Variants in INTS7 observed in about 807,000 individuals in gnomAD.
INTS7 encodes integrator complex subunit 7.
Under a neutral mutation model 109.2 loss-of-function variants are expected in INTS7, and 46 were observed. The observed-to-expected ratio is 0.42, with a 90% CI of 0.33 to 0.54. The LOEUF (loss-of-function observed/expected upper bound fraction) is 0.54, where lower values mean the gene tolerates loss of function less well. INTS7 is among the 20% of genes least tolerant of loss of function. The pLI, the probability that INTS7 is intolerant of heterozygous loss-of-function variation, is 0.07. For synonymous variants in INTS7, 412 were observed against 402.9 expected (o/e 1.02, Z -0.27); for missense variants, 929 against 1,132.4 (o/e 0.82, Z 2.58).
intron 13 of INTS7, among the ~76,000 whole-genome samples, chr1:211,970,029 A>AC (rs1056306824): frequency 2.6e-5 from 4 of 151,258 alleles, no homozygotes; most frequent in Admixed American, 2.6e-4. Flanking sequence ...TGCCCAGCTA[A>AC]TTTTTTTTTG....
intron 16 of INTS7, among the ~76,000 whole-genome samples, chr1:211,954,059 CTGT>C (rs886133951): frequency 1.1e-4 from 16 of 152,302 alleles, no homozygotes; most frequent in African/African-American, 2.6e-4. Context: ...TCTCCAGCAC[CTGT>C]TGTTTCCTGA....
chr1:212,020,039 G>T, intron 3 of INTS7, 83 bp downstream of exon 3: 1 of 998,952 alleles, frequency 1.0e-6, no homozygotes, highest in South Asian at 2.9e-5. Context: ...TACTCAAAAT[G>T]AAAAATGTAA....
rs771209007 is a variant in INTS7 at position 211,978,441 on chromosome 1, A to G, written c.1301T>C (p.Leu434Ser). The change falls in exon 11 of 20, where the codon TTG becomes TCG. Residue 434 changes from leucine to serine, a missense_variant. Around this residue, in one of 2 missense-constraint regions of INTS7, gnomAD observed 787 missense variants for 901.1 expected, o/e 0.87. Transcript: ENST00000366994. ...TTGAGCACTGTGCAATTGAGTCAAC[A>G]AGGTCTCAACTACTGACTGGCTAAG... The part of the protein sequence containing the change: ...PHLSQSVVET[L>S]LTQLHSAQDA... The G allele has an allele frequency of 6.2e-7, 1 of 1,614,212 alleles. No individual in the cohort carries two copies. Among genetic ancestry groups the G allele is most frequent in the Non-Finnish European group, 8.5e-7 (1 of 1,180,032 alleles).
At chr1:211,973,094 G>A (rs969833415) in intron 13 of INTS7, among the ~76,000 whole-genome samples, 2 of 151,868 alleles carry the variant, frequency 1.3e-5, no homozygotes, top group Non-Finnish European at 2.9e-5. Context: ...AGGACCACAG[G>A]CGCATGCCAC....
chr1:212,002,767 T>G (rs147384158), intron 7 of INTS7, among the ~76,000 whole-genome samples: 102 of 152,358 alleles, frequency 6.7e-4, no homozygotes, highest in Non-Finnish European at 1.4e-3. Flanking sequence ...TTGGCAGCAT[T>G]TATCACTGTC....
At position 211,946,599 on chromosome 1, in the gene INTS7, T is replaced by G. The variant is rs1662856541; in HGVS notation, c.2415+8A>C. ...CCTATATTAACCTTAGTATTCTTCC[T>G]GTATTACCTTGATGCTGGTAGACTG... On this transcript the variant is annotated splice_region_variant and intron_variant, in intron 18 of 19. Coordinates refer to ENST00000366994, the MANE Select transcript of INTS7 (RefSeq NM_015434.4). The surrounding 1 kb of genome is among the most constrained non-coding windows in gnomAD (Gnocchi z 4.3). 2.6e-6 allele frequency: 4 copies of G among 1,527,558 alleles called. No homozygotes were observed. In the East Asian group the frequency reaches 6.8e-5, roughly 26 times the overall value. 94.6% of individuals were successfully genotyped at this position (1,527,558 alleles called of 1,614,324 possible).
chr1:211,993,679 C>CAAAAAA (rs1333287349), intron 7 of INTS7, among the ~76,000 whole-genome samples: 39 of 54,742 alleles, frequency 7.1e-4, no homozygotes, highest in Non-Finnish European at 1.0e-3. Flanking sequence ...GACTAAAACT[C>CAAAAAA]AAAAAAAAAA....
rs1179169477 is a variant in INTS7, at chr1:211,968,852, T to A, written c.1816-145A>T. 1.2e-5 allele frequency: 7 copies of A among 560,388 alleles called. No individual in the cohort carries two copies. The East Asian group carries it at 1.7e-4, about 13-fold the overall frequency. The allele number at this position is 560,388 out of a possible 1,614,324, so 34.7% of individuals were successfully genotyped here. A position where few individuals can be genotyped will look rare whatever the true frequency, so the allele number is the denominator to read the frequency against. ...ATAAAGACCTAAATGATAAAAAGAA[T>A]AATGTAATATTAGAATGAAAAATAT... On this transcript the variant is annotated intron_variant, in intron 13 of 19. Coordinates refer to ENST00000366994, the MANE Select transcript of INTS7 (RefSeq NM_015434.4).
rs552439287 is a variant in INTS7 at position 212,010,911 on chromosome 1, G to A, written c.556+464C>T. On this transcript the variant is annotated intron_variant, in intron 5 of 19. Transcript: ENST00000366994. Reference sequence around the variant, plus strand: ...CACAGGATCCCCATTGTTAAGCAATGCAAGACTATATCTGCATGGCTCACT... The same window carrying A: ...CACAGGATCCCCATTGTTAAGCAATACAAGACTATATCTGCATGGCTCACT... Among the ~76,000 whole-genome samples the A allele has an allele frequency of 7.2e-5, 11 of 152,268 alleles. No individual in the cohort carries two copies. In the South Asian group the frequency reaches 2.3e-3, roughly 32 times the overall value.
chr1:211,978,534 A>T, intron 10 of INTS7, 23 bp from the exon 11 acceptor site: 1 of 1,613,310 alleles, frequency 6.2e-7, no homozygotes, highest in South Asian at 1.1e-5. Context: ...AAGAAAATGA[A>T]CTAGTTACAT....
Position 211,987,898 on chromosome 1 carries a change from T to C in INTS7, c.985A>G (p.Ser329Gly), listed in dbSNP as rs1400637456. Residue 329 changes from serine to glycine, a missense_variant, in exon 8 of 20, where the codon AGT (serine) becomes GGT (glycine). Around this residue, in one of 2 missense-constraint regions of INTS7, gnomAD observed 787 missense variants for 901.1 expected, o/e 0.87. Coordinates refer to ENST00000366994, the MANE Select transcript of INTS7 (RefSeq NM_015434.4). ...SGTIAIKHYF[S>G]IVPGNVSSSP... ...GTCTTTTCCTTACCTGGAACTATAC[T>C]GAAGTAATGTTTGATGGCGATGGTC... The C allele has an allele frequency of 6.4e-7, 1 of 1,572,966 alleles. No individual in the cohort carries two copies. Among genetic ancestry groups the C allele is most frequent in the Admixed American group, 1.7e-5 (1 of 59,710 alleles).
intron 6 of INTS7, 88 bp from the exon 7 acceptor site, chr1:212,006,849 G>A (rs895012603): frequency 5.8e-5 from 64 of 1,103,326 alleles, no homozygotes; most frequent in Non-Finnish European, 8.0e-5. Flanking sequence ...ACTTATAAAG[G>A]GACAGGACTC....
Position 212,016,965 on chromosome 1 carries a change from G to A in INTS7, c.430C>T (p.Arg144Cys), listed in dbSNP as rs763877192. Residue 144 changes from arginine to cysteine, a missense_variant, in exon 4 of 20, where the codon CGT (arginine) becomes TGT (cysteine). By Grantham distance (180) the Arg-to-Cys change is radical. Transcript: ENST00000366994. Reference protein sequence around the residue: ...PERKNAHHSIRQSLDSHDNVE... With the variant: ...PERKNAHHSICQSLDSHDNVE... ...TTATCATGTGAATCTAAACTCTGAC[G>A]AATACTATGATGAGCATTCTTCCTC... 15 of 1,602,578 alleles carry A rather than the reference G, an allele frequency of 9.4e-6. No individual in the cohort carries two copies. The highest frequency in any genetic ancestry group is 4.5e-5 in the South Asian group (4 of 89,044).
intron 1 of INTS7, among the ~76,000 whole-genome samples, chr1:212,026,563 G>A (rs967620039): frequency 1.8e-5 from 2 of 108,380 alleles, no homozygotes; most frequent in Non-Finnish European, 4.3e-5. Context: ...TGGCAGTGTG[G>A]CTCATGTAGC....
rs978894019 is a variant in INTS7 at position 211,948,923 on chromosome 1, T to C, written c.2317-2218A>G. On this transcript the variant is annotated intron_variant, in intron 17 of 19. Coordinates refer to ENST00000366994, the MANE Select transcript of INTS7 (RefSeq NM_015434.4). ...GGTTTCACCATGTTGGTCAGGCTGATCTCAAACTCCTGACCTCGTGATCCA... is the reference window on the plus strand; with the variant it reads ...GGTTTCACCATGTTGGTCAGGCTGACCTCAAACTCCTGACCTCGTGATCCA... Among the ~76,000 whole-genome samples the C allele has an allele frequency of 5.3e-5, 8 of 152,232 alleles. 1 individual carries two copies. Among genetic ancestry groups the C allele is most frequent in the Admixed American group, 2.0e-4 (3 of 15,286 alleles).
chr1:211,954,136 TTC>T (rs1571844776), intron 16 of INTS7, among the ~76,000 whole-genome samples: 1 of 152,252 alleles, frequency 6.6e-6, no homozygotes, highest in Non-Finnish European at 1.5e-5. Context: ...TGACTTGCAT[TTC>T]TCTGATGGCT....
At position 211,981,197 on chromosome 1, in the gene INTS7, GA is replaced by G. The variant is rs775916715; in HGVS notation, c.1133-8del. On this transcript the variant is annotated splice_polypyrimidine_tract_variant and splice_region_variant and intron_variant, in intron 9 of 19. Transcript: ENST00000366994. ...TGTTCCAGTGCCAAAAGATCTAGAAGAAAAACAGTAAACTTTATGATGGTCA... is the reference window on the plus strand; with the variant it reads ...TGTTCCAGTGCCAAAAGATCTAGAAGAAAACAGTAAACTTTATGATGGTCA... 34 of 1,582,146 alleles carry G rather than the reference GA, an allele frequency of 2.1e-5. No homozygotes were observed. In the South Asian group the frequency reaches 3.5e-4, roughly 16 times the overall value.
intron 19 of INTS7, among the ~76,000 whole-genome samples, chr1:211,943,960 C>G (rs1662739599): frequency 6.6e-6 from 1 of 152,200 alleles, no homozygotes; most frequent in Non-Finnish European, 1.5e-5. Flanking sequence ...TTATCTCGAA[C>G]ACTGGCATTT....
At chr1:211,987,232 G>C (rs1336335354) in intron 8 of INTS7, among the ~76,000 whole-genome samples, 1 of 151,936 alleles carries the variant, frequency 6.6e-6, no homozygotes, top group Non-Finnish European at 1.5e-5. Context: ...AGGAGGTGGG[G>C]GTTGTAGTAA....
Sources: allele counts gnomAD v4.1 joint callset (sites outside exome capture counted in the v4.1 genomes callset), GRCh38; gene constraint gnomAD v4.1.1; regional missense constraint gnomAD v4.1.1; non-coding constraint Gnocchi (gnomAD v3.1); transcripts MANE v1.5; gene names NCBI Gene and HGNC (gene_info 2026-07-23, HGNC 2026-07-21).